The following FARS2 variants were observed in gnomAD, a reference collection of about 807,000 sequenced individuals.
The protein encoded by FARS2 is phenylalanyl-tRNA synthetase 2, mitochondrial, also known as phenylalanine--tRNA ligase, mitochondrial.
In FARS2, 40 loss-of-function variants were observed where a neutral mutation model predicts 46.4. That is an observed-to-expected ratio of 0.86 (90% CI 0.67 to 1.12). FARS2 has a LOEUF of 1.12. Ranked by LOEUF, FARS2 falls within the 50% of genes most tolerant of loss-of-function variation. The pLI, the probability that FARS2 is intolerant of heterozygous loss-of-function variation, is 0.00. For synonymous variants in FARS2, 234 were observed against 214.9 expected, an observed-to-expected ratio of 1.09 and a Z score of -0.78; for missense variants, 513 against 567.9, an observed-to-expected ratio of 0.90 and a Z score of 0.98.
At chr6:5,450,066 G>A (rs1470769802) in intron 4 of FARS2, among the ~76,000 whole-genome samples, 1 of 152,320 alleles carries the variant, frequency 6.6e-6, no homozygotes, top group Non-Finnish European at 1.5e-5. Context: ...CCCACAGTTG[G>A]TTAAAAACAA....
At chr6:5,675,793 C>T (rs1320025825) in intron 6 of FARS2, among the ~76,000 whole-genome samples, 2 of 152,282 alleles carry the variant, frequency 1.3e-5, no homozygotes, top group Middle Eastern at 3.4e-3. Context: ...CTACAGAAGA[C>T]ACATCGTTTT....
chr6:5,693,054 C>T (rs1757862853), intron 6 of FARS2, among the ~76,000 whole-genome samples: 1 of 152,194 alleles, frequency 6.6e-6, no homozygotes, highest in South Asian at 2.1e-4. Context: ...TGTATTTCAT[C>T]TGTTTTGCAA....
At chr6:5,374,280 T>G (rs1759240311) in intron 2 of FARS2, among the ~76,000 whole-genome samples, 1 of 152,004 alleles carries the variant, frequency 6.6e-6, no homozygotes, top group Non-Finnish European at 1.5e-5. Flanking sequence ...AGGAAAACAC[T>G]GGGATCCGTC....
chr6:5,667,342 A>G (rs1037164339), intron 6 of FARS2, among the ~76,000 whole-genome samples: 4 of 151,966 alleles, frequency 2.6e-5, no homozygotes, highest in African/African-American at 7.3e-5. Context: ...ATATGGAGAA[A>G]CCCCATCGCT....
At chr6:5,511,044 C>T (rs913651142) in intron 4 of FARS2, among the ~76,000 whole-genome samples, 8 of 152,146 alleles carry the variant, frequency 5.3e-5, no homozygotes, top group African/African-American at 1.9e-4. Context: ...CTGAGCTTCC[C>T]TTCTCTCTCA....
chr6:5,301,802 TACACACACACACACACACACACACACAC>T (rs143654686), intron 1 of FARS2, among the ~76,000 whole-genome samples: 1 of 132,336 alleles, frequency 7.6e-6, no homozygotes, highest in African/African-American at 2.6e-5. Context: ...CACACACACA[TACACACACACACACACACACACACACAC>T]ACACACACAC....
chr6:5,675,171 C>T (rs1280470493), intron 6 of FARS2, among the ~76,000 whole-genome samples: 1 of 151,160 alleles, frequency 6.6e-6, no homozygotes, highest in Non-Finnish European at 1.5e-5. Context: ...CCTCTTGAGT[C>T]AATAAAAATG....
In FARS2 at chr6:5,392,735, TACAC is replaced by T. The variant is rs10526282; in HGVS notation, c.613-11775_613-11772del. Among the ~76,000 whole-genome samples, 828 of 142,346 alleles carry T rather than the reference TACAC, an allele frequency of 5.8e-3. 4 individuals carry two copies. Among genetic ancestry groups the T allele is most frequent in the African/African-American group, 0.014 (540 of 38,648 alleles). 93.4% of individuals were successfully genotyped at this position (142,346 alleles called of 152,430 possible). ...ACACTTGCTCTAAAATATATATATA[TACAC>T]ACACACACACACACACACACACACA... On this transcript the variant is annotated intron_variant, in intron 2 of 6. Coordinates refer to ENST00000274680, the MANE Select transcript of FARS2 (RefSeq NM_006567.5).
At chr6:5,429,553 C>T (rs1051613325) in intron 3 of FARS2, among the ~76,000 whole-genome samples, 19 of 152,122 alleles carry the variant, frequency 1.2e-4, no homozygotes, top group Admixed American at 6.5e-5. Context: ...TGCCTATAAT[C>T]CCAGCACTTT....
rs1283461114 is a variant in FARS2 at position 5,765,441 on chromosome 6, G to A, written c.1218-5850G>A. 6.6e-6 allele frequency among the ~76,000 whole-genome samples: 1 copy of A among 152,194 alleles called. No homozygotes were observed. Among genetic ancestry groups the A allele is most frequent in the Non-Finnish European group, 1.5e-5 (1 of 68,034 alleles). On this transcript the variant is annotated intron_variant, in intron 6 of 6. Transcript: ENST00000274680. This position sits in a 1 kb window ranked among gnomAD's most constrained non-coding sequence, Gnocchi z 4.0. ...TGGGCACAGCATGTACTATGGCATC[G>A]CTCATCACCTGCCAATGGCAGGGAG...
chr6:5,407,172 A>G (rs1449303918), intron 3 of FARS2, among the ~76,000 whole-genome samples: 2 of 151,272 alleles, frequency 1.3e-5, no homozygotes, highest in Non-Finnish European at 2.9e-5. Context: ...TAAATCTAAC[A>G]TTTTAAATCG....
At chr6:5,555,540 G>A (rs970182954) in intron 5 of FARS2, among the ~76,000 whole-genome samples, 6 of 152,086 alleles carry the variant, frequency 3.9e-5, no homozygotes, top group Admixed American at 6.6e-5. Flanking sequence ...ATAGCTTCTA[G>A]ATCTGGTTTT....
intron 6 of FARS2, among the ~76,000 whole-genome samples, chr6:5,747,190 C>T (rs558233814): frequency 6.6e-6 from 1 of 152,170 alleles, no homozygotes; most frequent in African/African-American, 2.4e-5. Flanking sequence ...GATAAGGTCA[C>T]AAAGATCAGG....
chr6:5,285,401 T>C (rs1219948274), intron 1 of FARS2, among the ~76,000 whole-genome samples: 3 of 152,118 alleles, frequency 2.0e-5, no homozygotes, highest in African/African-American at 7.2e-5. Context: ...GGGGTTTGGT[T>C]CTTGAGGAGA....
chr6:5,677,671 G>A (rs1009265563), intron 6 of FARS2, among the ~76,000 whole-genome samples: 8 of 152,204 alleles, frequency 5.3e-5, no homozygotes, highest in African/African-American at 1.9e-4. Flanking sequence ...CAAGCAAGGG[G>A]CTGTAGTCAA....
chr6:5,442,769 C>T (rs1342468992), intron 4 of FARS2, among the ~76,000 whole-genome samples: 1 of 152,158 alleles, frequency 6.6e-6, no homozygotes, highest in Non-Finnish European at 1.5e-5. Flanking sequence ...TCAGAGCTTG[C>T]CTGGGAGCCC....
chr6:5,483,449 C>T (rs893862157), intron 4 of FARS2, among the ~76,000 whole-genome samples: 1 of 152,130 alleles, frequency 6.6e-6, no homozygotes, highest in Non-Finnish European at 1.5e-5. Context: ...AGGCGGGTCA[C>T]CTGAGGTCAC....
chr6:5,652,987 A>C (rs1777442096), intron 6 of FARS2, among the ~76,000 whole-genome samples: 2 of 152,218 alleles, frequency 1.3e-5, no homozygotes, highest in African/African-American at 4.8e-5. Context: ...TGTATGCAGG[A>C]GAGAGAGACA....
intron 5 of FARS2, among the ~76,000 whole-genome samples, chr6:5,569,975 G>T: frequency 6.6e-6 from 1 of 152,166 alleles, no homozygotes; most frequent in East Asian, 1.9e-4. Context: ...TTTCTTCCCT[G>T]CCTGCCCAAC....
Sources: allele counts gnomAD v4.1 joint callset (sites outside exome capture counted in the v4.1 genomes callset), GRCh38; gene constraint gnomAD v4.1.1; non-coding constraint Gnocchi (gnomAD v3.1); transcripts MANE v1.5; gene names NCBI Gene and HGNC (gene_info 2026-07-23, HGNC 2026-07-21).